Variants in PDE1C observed in about 807,000 individuals in gnomAD.
The protein encoded by PDE1C is phosphodiesterase 1C.
Under a neutral mutation model 93.1 loss-of-function variants are expected in PDE1C, and 62 were observed. The observed-to-expected ratio is 0.67, with a 90% confidence interval of 0.54 to 0.82. PDE1C has a LOEUF of 0.82. PDE1C is among the 40% of genes least tolerant of loss of function. The pLI is 0.00. For synonymous variants in PDE1C, 325 were observed against 310.1 expected (o/e 1.05, Z -0.50); for missense variants, 742 against 884.6 (o/e 0.84, Z 2.04).
Position 31,996,242 on chromosome 7 carries a change from G to A in PDE1C, c.128+55312C>T, listed in dbSNP as rs140329524. ...TTACTCTATGGACTTTGCATCCCTGGATGGAGCAAAGTTTTCCCACCCCGC... is the reference window on the plus strand; with the variant it reads ...TTACTCTATGGACTTTGCATCCCTGAATGGAGCAAAGTTTTCCCACCCCGC... On this transcript the variant is annotated intron_variant, in intron 2 of 17. Coordinates refer to ENST00000396191, the MANE Select transcript of PDE1C (RefSeq NM_001191057.4). Among the ~76,000 whole-genome samples, 658 of 152,110 alleles carry A rather than the reference G, an allele frequency of 4.3e-3. 7 individuals carry two copies. The highest frequency in any genetic ancestry group is 0.015 in the African/African-American group (613 of 41,492).
chr7:32,051,447 A>G (rs1793346702), intron 2 of PDE1C, 107 bp downstream of exon 2: 1 of 1,065,068 alleles, frequency 9.4e-7, no homozygotes, highest in Admixed American at 1.8e-5. Context: ...ATGCTGAGAA[A>G]GAACCAAAAG....
intron 2 of PDE1C, among the ~76,000 whole-genome samples, chr7:31,940,350 G>A (rs1421139429): frequency 2.0e-5 from 3 of 152,204 alleles, no homozygotes; most frequent in Non-Finnish European, 4.4e-5. Context: ...AGCAGAGGCA[G>A]TAGCTGTAAA....
At chr7:32,164,718 C>T (rs1802120163) in intron 3 of PDE1C, among the ~76,000 whole-genome samples, 1 of 152,218 alleles carries the variant, frequency 6.6e-6, no homozygotes, top group East Asian at 1.9e-4. Context: ...GCTTCTCTTA[C>T]TTGTGGTACC....
chr7:31,773,554 T>C (rs1275102801), intron 17 of PDE1C, among the ~76,000 whole-genome samples: 2 of 151,896 alleles, frequency 1.3e-5, no homozygotes, highest in Non-Finnish European at 2.9e-5. Context: ...AAGAGCATAA[T>C]AACCTCAAGC....
intron 1 of PDE1C, among the ~76,000 whole-genome samples, chr7:32,356,116 C>T (rs1784024888): frequency 6.6e-6 from 1 of 152,124 alleles, no homozygotes; most frequent in African/African-American, 2.4e-5. Context: ...ATTCTCAGCT[C>T]AATCAGAAAG....
intron 1 of PDE1C, among the ~76,000 whole-genome samples, chr7:32,323,510 C>G (rs1783342038): frequency 6.6e-6 from 1 of 152,072 alleles, no homozygotes; most frequent in Non-Finnish European, 1.5e-5. Context: ...GGGAGAGAGG[C>G]CTTGGGGACT....
chr7:31,648,859 TGAAAC>T, the PDE1C span, among the ~76,000 whole-genome samples: 1 of 152,174 alleles, frequency 6.6e-6, no homozygotes, highest in East Asian at 1.9e-4. Flanking sequence ...AGAAAAGAAA[TGAAAC>T]AAGAGATGGG....
chr7:31,698,038 C>G, the PDE1C span, among the ~76,000 whole-genome samples: 2 of 152,248 alleles, frequency 1.3e-5, no homozygotes. Flanking sequence ...TAAAATGTGG[C>G]AGAATTGGGG....
chr7:31,897,973 T>A (rs1236111410), intron 2 of PDE1C, among the ~76,000 whole-genome samples: 1 of 152,070 alleles, frequency 6.6e-6, no homozygotes, highest in Non-Finnish European at 1.5e-5. Flanking sequence ...AGGTTTTATT[T>A]AATACTTTTC....
At position 32,316,118 on chromosome 7, in the gene PDE1C, C is replaced by T. The variant is rs181009275; in HGVS notation, c.311-106579G>A. Among the ~76,000 whole-genome samples the T allele has an allele frequency of 2.6e-3, 402 of 152,286 alleles. 2 individuals carry two copies. Among genetic ancestry groups the T allele is most frequent in the African/African-American group, 6.1e-3 (254 of 41,564 alleles). On this transcript the variant is annotated intron_variant, in intron 1 of 1. Coordinates refer to the PDE1C transcript ENST00000672256. The stretch of plus-strand genomic sequence containing the variant: ...CTGTAAACCTCATGAGGGCTGTGTC[C>T]GTTTTGACCATTGATGTATCCCAAA...
chr7:32,171,573 A>G (rs1024067470), intron 2 of PDE1C, among the ~76,000 whole-genome samples: 15 of 150,126 alleles, frequency 1.0e-4, no homozygotes, highest in Non-Finnish European at 1.2e-4. Flanking sequence ...TTAAATTATT[A>G]AAATTGTTAT....
intron 2 of PDE1C, among the ~76,000 whole-genome samples, chr7:32,009,248 T>C (rs1210008212): frequency 1.3e-5 from 2 of 152,176 alleles, no homozygotes; most frequent in Non-Finnish European, 2.9e-5. Flanking sequence ...CAGGGCTCAG[T>C]CCAACACAAG....
intron 2 of PDE1C, among the ~76,000 whole-genome samples, chr7:31,972,257 A>T (rs1811064350): frequency 6.6e-6 from 1 of 152,198 alleles, no homozygotes; most frequent in African/African-American, 2.4e-5. Flanking sequence ...TGAGAAATAC[A>T]TTTGGTGATT....
intron 3 of PDE1C, among the ~76,000 whole-genome samples, chr7:32,080,345 T>C (rs10268986): frequency 0.57 from 85,954 of 151,394 alleles, 24,652 homozygotes; most frequent in South Asian, 0.66. Context: ...CAATGACCAA[T>C]TGGGCTTCTC....
the PDE1C span, among the ~76,000 whole-genome samples, chr7:31,664,703 G>T: frequency 6.6e-6 from 1 of 152,180 alleles, no homozygotes; most frequent in Non-Finnish European, 1.5e-5. Flanking sequence ...GCCTCTCAAA[G>T]CAACCTTTCC....
At chr7:31,643,615 A>G in the PDE1C span, 1 of 1,614,050 alleles carries the variant, frequency 6.2e-7, no homozygotes, top group Non-Finnish European at 8.5e-7. Flanking sequence ...AACAGAAACA[A>G]GACTGGGGAC....
chr7:31,846,165 T>G (rs1332302311), intron 9 of PDE1C, among the ~76,000 whole-genome samples: 2 of 152,018 alleles, frequency 1.3e-5, no homozygotes, highest in Admixed American at 6.6e-5. Context: ...CATAATTGCC[T>G]CTTAACATAT....
At chr7:32,258,401 C>T (rs1447878595) in intron 1 of PDE1C, among the ~76,000 whole-genome samples, 1 of 152,220 alleles carries the variant, frequency 6.6e-6, no homozygotes, top group African/African-American at 2.4e-5. Context: ...CTTGCATCTT[C>T]CATACAGGAA....
intron 3 of PDE1C, among the ~76,000 whole-genome samples, chr7:32,090,628 T>A (rs1166371384): frequency 6.6e-6 from 1 of 152,240 alleles, no homozygotes; most frequent in African/African-American, 2.4e-5. Flanking sequence ...CCCCACGGTT[T>A]GGATCAAGGA....
Sources: gnomAD v4.1 joint callset for allele counts (sites outside exome capture counted in the v4.1 genomes callset) on GRCh38, gnomAD v4.1.1 for gene constraint, MANE v1.5 for transcripts, NCBI Gene and HGNC (gene_info 2026-07-23, HGNC 2026-07-21) for gene names.